Variants in KCTD1 observed in about 807,000 individuals in gnomAD.
KCTD1 encodes BTB/POZ domain-containing protein KCTD1.
Under a neutral mutation model 66.0 loss-of-function variants are expected in KCTD1, and 24 were observed. The ratio of observed to expected loss-of-function variants is 0.36; its 90% CI spans 0.26 to 0.51. The LOEUF is 0.51. Among genes scored for constraint, KCTD1 ranks in the 20% least tolerant of loss-of-function variants. The pLI is 0.95. For missense variants in KCTD1, 943 were observed against 1,205.2 expected, an observed-to-expected ratio of 0.78 and a Z score of 3.22; for synonymous variants, 511 against 517.2, an observed-to-expected ratio of 0.99 and a Z score of 0.16.
At chr18:26,529,340 G>A (rs1299791418) in intron 1 of KCTD1, among the ~76,000 whole-genome samples, 1 of 152,070 alleles carries the variant, frequency 6.6e-6, no homozygotes, top group African/African-American at 2.4e-5. Context: ...AATGGCCTTG[G>A]CACTTGCACC....
chr18:26,547,545 T>G lies in KCTD1; in HGVS notation c.992A>C (p.Glu331Ala). The G allele has an allele frequency of 6.4e-7, 1 of 1,551,646 alleles. No homozygotes were observed. The highest frequency in any genetic ancestry group is 1.2e-5 in the South Asian group (1 of 84,062). The part of the protein sequence containing the change: ...RGRENQRELE[E>A]DSFGLAMDED... ...GTCCATGGCCAGCCCAAAAGAGTCC[T>G]CCTCCAACTCACGCTGGTTCTCGCG... The change falls in exon 1 of 5, where the codon GAG becomes GCG. Residue 331 changes from glutamate (E) to alanine (A), a missense_variant. Glu to Ala is a moderately radical substitution (Grantham distance 107). Coordinates refer to ENST00000580059, the MANE Select transcript of KCTD1 (RefSeq NM_001142730.3).
intron 2 of KCTD1, among the ~76,000 whole-genome samples, chr18:26,490,777 GTCTT>G (rs1982155368): frequency 6.6e-6 from 1 of 151,946 alleles, no homozygotes; most frequent in Non-Finnish European, 1.5e-5. Flanking sequence ...TTTAGATAGA[GTCTT>G]TCTGTGTCGC....
At chr18:26,525,198 GGGGT>G (rs1984099318) in intron 1 of KCTD1, among the ~76,000 whole-genome samples, 1 of 152,180 alleles carries the variant, frequency 6.6e-6, no homozygotes, top group South Asian at 2.1e-4. Flanking sequence ...GAAGGCCTTA[GGGGT>G]TAGCAGGAAG....
At chr18:26,532,724 G>A (rs1984510726) in intron 1 of KCTD1, among the ~76,000 whole-genome samples, 1 of 152,192 alleles carries the variant, frequency 6.6e-6, no homozygotes, top group Non-Finnish European at 1.5e-5. Flanking sequence ...TGGCATGAGT[G>A]GTCAGTGTGG....
chr18:26,533,866 C>T (rs116604562), intron 1 of KCTD1, among the ~76,000 whole-genome samples: 3,684 of 146,122 alleles, frequency 0.025, 160 homozygotes, highest in African/African-American at 0.088. Context: ...ATGGAATTTG[C>T]GATTTATCAT....
chr18:26,585,259 C>T (rs1057306569), intron 1 of KCTD1, among the ~76,000 whole-genome samples: 2 of 152,122 alleles, frequency 1.3e-5, no homozygotes, highest in Non-Finnish European at 2.9e-5. Context: ...TGCCTTTTAA[C>T]AAACACATTT....
chr18:26,524,208 C>T (rs1042696180), intron 1 of KCTD1, among the ~76,000 whole-genome samples: 2 of 152,278 alleles, frequency 1.3e-5, no homozygotes, highest in Non-Finnish European at 2.9e-5. Flanking sequence ...TAGGGGGATG[C>T]CTGTTGCTAG....
At chr18:26,541,843 C>T (rs1984988575) in intron 1 of KCTD1, among the ~76,000 whole-genome samples, 1 of 152,282 alleles carries the variant, frequency 6.6e-6, no homozygotes, top group South Asian at 2.1e-4. Context: ...TCTAGAAGCT[C>T]ATGCTGTCAT....
intron 1 of KCTD1, among the ~76,000 whole-genome samples, chr18:26,617,845 AAGGAAGGGAGGGAGGGAGGG>A (rs1353056799): frequency 0.045 from 4,141 of 91,468 alleles, 121 homozygotes; most frequent in African/African-American, 0.1. Flanking sequence ...GGAAGGAAGG[AAGGAAGGGAGGGAGGGAGGG>A]AGGGAGGGAG....
intron 1 of KCTD1, among the ~76,000 whole-genome samples, chr18:26,515,728 T>A (rs2144733171): frequency 6.6e-6 from 1 of 152,224 alleles, no homozygotes; most frequent in East Asian, 1.9e-4. Context: ...CAGGCTGGTC[T>A]CGAACTCCTG....
chr18:26,645,316 C>T (rs1485271447), upstream of KCTD1, among the ~76,000 whole-genome samples: 1 of 152,148 alleles, frequency 6.6e-6, no homozygotes, highest in African/African-American at 2.4e-5. Context: ...GTGGTGTGAT[C>T]ATAGCTCACA....
intron 1 of KCTD1, among the ~76,000 whole-genome samples, chr18:26,615,307 T>G (rs1405242835): frequency 6.6e-6 from 1 of 152,160 alleles, no homozygotes; most frequent in Non-Finnish European, 1.5e-5. Flanking sequence ...TTTCTACTCC[T>G]CTCATTTATG....
intron 1 of KCTD1, among the ~76,000 whole-genome samples, chr18:26,530,978 TACTTTCAGTACTTAGTACGCACCA>T (rs1459567498): frequency 6.6e-6 from 1 of 152,244 alleles, no homozygotes; most frequent in Admixed American, 6.5e-5. Flanking sequence ...TTTCGGCAAG[TACTTTCAGTACTTAGTACGCACCA>T]ACCACTGTGG....
intron 2 of KCTD1, among the ~76,000 whole-genome samples, chr18:26,494,972 C>G (rs1466218417): frequency 6.6e-6 from 1 of 152,152 alleles, no homozygotes; most frequent in Admixed American, 6.6e-5. Flanking sequence ...AATACCTATT[C>G]TGTGACTTTT....
intron 1 of KCTD1, among the ~76,000 whole-genome samples, chr18:26,625,208 A>G (rs1368040546): frequency 3.3e-5 from 5 of 152,172 alleles, no homozygotes; most frequent in African/African-American, 1.2e-4. Flanking sequence ...TTAATGCTGG[A>G]ATGAATTAAG....
At chr18:26,549,352 G>C, upstream of KCTD1, 3 of 985,440 alleles carry the variant, frequency 3.0e-6, no homozygotes, top group Non-Finnish European at 1.2e-6. Context: ...CATCCCTTTC[G>C]ACTTTTCCAA....
At chr18:26,616,265 A>G (rs1239111654) in intron 1 of KCTD1, among the ~76,000 whole-genome samples, 1 of 151,578 alleles carries the variant, frequency 6.6e-6, no homozygotes, top group Non-Finnish European at 1.5e-5. Context: ...AGATTGATCA[A>G]ATGCTTTAAT....
chr18:26,607,909 A>T (rs1223209786), intron 1 of KCTD1, among the ~76,000 whole-genome samples: 1 of 152,184 alleles, frequency 6.6e-6, no homozygotes, highest in Non-Finnish European at 1.5e-5. Context: ...CTGGGACTAC[A>T]GGTGTGCACC....
chr18:26,644,766 A>AGAGAG (rs1555649408), upstream of KCTD1, among the ~76,000 whole-genome samples: 2 of 149,956 alleles, frequency 1.3e-5, no homozygotes, highest in Admixed American at 6.7e-5. Context: ...AAAAAAAAAA[A>AGAGAG]AGAGAGAGAG....
Sources: gnomAD v4.1 joint callset for allele counts (sites outside exome capture counted in the v4.1 genomes callset) on GRCh38, gnomAD v4.1.1 for gene constraint, MANE v1.5 for transcripts, NCBI Gene and HGNC (gene_info 2026-07-23, HGNC 2026-07-21) for gene names.